Variants in SOX5 observed in about 807,000 individuals in gnomAD.
SOX5 encodes SRY-box transcription factor 5.
In SOX5, 9 loss-of-function variants were observed where a neutral mutation model predicts 92.0. The observed-to-expected ratio is 0.10, with a 90% CI of 0.06 to 0.17. SOX5 has a LOEUF of 0.17. Among genes scored for constraint, SOX5 ranks in the 10% least tolerant of loss-of-function variants. The probability of loss-of-function intolerance (pLI) is 1.00; values close to 1 mark genes in which losing one functional copy is unlikely to be tolerated. For missense variants in SOX5, 642 were observed against 944.5 expected (o/e 0.68, Z 4.20); for synonymous variants, 344 against 336.3 (o/e 1.02, Z -0.25).
At chr12:24,139,350 T>A (rs1419055252) in intron 4 of SOX5, among the ~76,000 whole-genome samples, 1 of 152,160 alleles carries the variant, frequency 6.6e-6, no homozygotes, top group Non-Finnish European at 1.5e-5. Flanking sequence ...ATTTACATGA[T>A]CATAACAGTC....
At chr12:23,724,062 T>A (rs1168812788) in intron 6 of SOX5, among the ~76,000 whole-genome samples, 1 of 152,186 alleles carries the variant, frequency 6.6e-6, no homozygotes, top group African/African-American at 2.4e-5. Flanking sequence ...TCTTATCTTG[T>A]TTTACTGCAG....
chr12:23,909,337 T>C (rs1432172507), intron 1 of SOX5, among the ~76,000 whole-genome samples: 1 of 152,210 alleles, frequency 6.6e-6, no homozygotes, highest in Non-Finnish European at 1.5e-5. Context: ...AACTATAATA[T>C]GAATATCTAG....
At chr12:24,221,812 T>C (rs1169865284) in intron 3 of SOX5, among the ~76,000 whole-genome samples, 2 of 152,186 alleles carry the variant, frequency 1.3e-5, no homozygotes, top group African/African-American at 4.8e-5. Context: ...GCAGGGTGAC[T>C]AGAAAAGAAG....
At chr12:24,492,788 T>A (rs1197827395) in intron 1 of SOX5, among the ~76,000 whole-genome samples, 9 of 152,200 alleles carry the variant, frequency 5.9e-5, no homozygotes, top group African/African-American at 2.2e-4. Context: ...TAGTTTAGAT[T>A]CATTGTTACA....
intron 4 of SOX5, among the ~76,000 whole-genome samples, chr12:23,973,849 T>C (rs147861946): frequency 7.0e-4 from 107 of 152,254 alleles, no homozygotes; most frequent in African/African-American, 2.5e-3. Flanking sequence ...GAACTGCACA[T>C]GCGAGGGATC....
At chr12:24,389,320 T>C (rs1596196548) in intron 1 of SOX5, among the ~76,000 whole-genome samples, 1 of 152,190 alleles carries the variant, frequency 6.6e-6, no homozygotes, top group Non-Finnish European at 1.5e-5. Flanking sequence ...TATTCCATGG[T>C]GTATATGTGC....
At chr12:24,340,363 T>C (rs548918615) in intron 2 of SOX5, among the ~76,000 whole-genome samples, 1 of 152,330 alleles carries the variant, frequency 6.6e-6, no homozygotes, top group East Asian at 1.9e-4. Flanking sequence ...GACAATAGTA[T>C]GTCAAAGCAT....
intron 2 of SOX5, among the ~76,000 whole-genome samples, chr12:24,331,102 A>G (rs917583271): frequency 1.3e-5 from 2 of 152,202 alleles, no homozygotes; most frequent in Non-Finnish European, 2.9e-5. Flanking sequence ...GTGCTGGGTA[A>G]GAAACAGTCA....
rs182725774 is a variant in SOX5, at chr12:24,232,690, T to C, written c.-76-19273A>G. ...GTTAGATATCTTGGCAAAGGAAAAATGTATGTAACCTGGCTTTCATGGCCA... is the reference window on the plus strand; with the variant it reads ...GTTAGATATCTTGGCAAAGGAAAAACGTATGTAACCTGGCTTTCATGGCCA... On this transcript the variant is annotated intron_variant, in intron 3 of 4. Transcript: ENST00000446891. Among the ~76,000 whole-genome samples, 39 of 152,240 alleles carry C rather than the reference T, an allele frequency of 2.6e-4. No homozygotes were observed. In the Middle Eastern group the frequency reaches 0.01, roughly 40 times the overall value.
In SOX5 at chr12:23,948,205, G is replaced by A. The variant is rs553345402; in HGVS notation, c.38+1359C>T. On this transcript the variant is annotated intron_variant, in intron 1 of 14. Coordinates refer to ENST00000451604, the MANE Select transcript of SOX5 (RefSeq NM_006940.6). Reference sequence around the variant, plus strand: ...ACATTCGCTGGAATTATCTAGTAAAGATGCAATTTAATTATTAAAAAAAAA... The same window carrying A: ...ACATTCGCTGGAATTATCTAGTAAAAATGCAATTTAATTATTAAAAAAAAA... Among the ~76,000 whole-genome samples the A allele has an allele frequency of 1.6e-3, 237 of 144,562 alleles. 2 individuals carry two copies. Among genetic ancestry groups the A allele is most frequent in the African/African-American group, 5.4e-3 (218 of 40,010 alleles). 94.8% of individuals were successfully genotyped at this position (144,562 alleles called of 152,430 possible). A position where few individuals can be genotyped will look rare whatever the true frequency, so the allele number is the denominator to read the frequency against.
At chr12:23,768,313 T>C (rs1262402372) in intron 3 of SOX5, among the ~76,000 whole-genome samples, 2 of 152,126 alleles carry the variant, frequency 1.3e-5, no homozygotes. Context: ...GTGTTCCACA[T>C]GTCAGAAACT....
chr12:24,304,075 T>A (rs1026626097), intron 2 of SOX5, among the ~76,000 whole-genome samples: 1 of 152,140 alleles, frequency 6.6e-6, no homozygotes, highest in African/African-American at 2.4e-5. Context: ...GAACGTAACA[T>A]AATGAATATC....
At chr12:23,958,420 T>C (rs1388216017) in intron 4 of SOX5, among the ~76,000 whole-genome samples, 1 of 152,048 alleles carries the variant, frequency 6.6e-6, no homozygotes, top group African/African-American at 2.4e-5. Context: ...TAGTCCAGTA[T>C]ATGGACATCC....
chr12:24,344,367 T>C lies in SOX5; in HGVS notation c.-174+24196A>G, dbSNP rs150760509. ...CCTTTTAAGTTCCTTATCCTTTCCA[T>C]GGAGTGCTCTCATTGCTGCTTGGCC... On this transcript the variant is annotated intron_variant, in intron 2 of 4. Coordinates refer to the SOX5 transcript ENST00000446891. 4.0e-3 allele frequency among the ~76,000 whole-genome samples: 612 copies of C among 151,524 alleles called. 8 individuals carry two copies. Among genetic ancestry groups the C allele is most frequent in the Admixed American group, 5.7e-3 (87 of 15,248 alleles).
intron 4 of SOX5, among the ~76,000 whole-genome samples, chr12:24,046,820 C>T (rs1333056466): frequency 6.6e-6 from 1 of 150,952 alleles, no homozygotes; most frequent in East Asian, 2.0e-4. Flanking sequence ...GCTGGGATTA[C>T]AGTCGCCCAC....
At chr12:23,782,666 C>G (rs1246545392) in intron 3 of SOX5, among the ~76,000 whole-genome samples, 1 of 152,152 alleles carries the variant, frequency 6.6e-6, no homozygotes, top group Non-Finnish European at 1.5e-5. Flanking sequence ...TCTACTAACA[C>G]GCTTATCATG....
chr12:23,610,892 C>T (rs1033869306), intron 8 of SOX5, among the ~76,000 whole-genome samples: 2 of 152,032 alleles, frequency 1.3e-5, no homozygotes, highest in Non-Finnish European at 2.9e-5. Context: ...TTTCAAAAGG[C>T]AACAGAACCA....
chr12:24,244,891 C>A (rs987174264), intron 3 of SOX5, among the ~76,000 whole-genome samples: 6 of 152,056 alleles, frequency 3.9e-5, no homozygotes, highest in Admixed American at 2.0e-4. Context: ...GGGTTTCATT[C>A]TGTTGGTCAG....
At chr12:24,405,366 G>C (rs186776907) in intron 1 of SOX5, among the ~76,000 whole-genome samples, 1 of 152,100 alleles carries the variant, frequency 6.6e-6, no homozygotes, top group African/African-American at 2.4e-5. Flanking sequence ...CAGCCAAGTA[G>C]CTATACTCTT....
Sources: gnomAD v4.1 joint callset for allele counts (sites outside exome capture counted in the v4.1 genomes callset) on GRCh38, gnomAD v4.1.1 for gene constraint, MANE v1.5 for transcripts, NCBI Gene and HGNC (gene_info 2026-07-23, HGNC 2026-07-21) for gene names.